The following APOA1 variants were observed in gnomAD, a reference collection of about 807,000 sequenced individuals.
APOA1 encodes apolipoprotein A1.
Under a neutral mutation model 25.9 loss-of-function variants are expected in APOA1, and 22 were observed. That is an observed-to-expected ratio of 0.85 (90% confidence interval 0.61 to 1.21). APOA1 has a LOEUF of 1.21. Among genes scored for constraint, APOA1 ranks in the 50% most tolerant of loss-of-function variants. The probability of loss-of-function intolerance (pLI) is 0.00; values close to 1 mark genes in which losing one functional copy is unlikely to be tolerated. For synonymous variants in APOA1, 163 were observed against 152.2 expected (o/e 1.07, Z -0.52); for missense variants, 351 against 347.9 (o/e 1.01, Z -0.07).
chr11:116,836,970 C>CCCTG (rs774827064), intron 3 of APOA1, 31 bp downstream of exon 3: 1 of 1,613,084 alleles, frequency 6.2e-7, no homozygotes, highest in Admixed American at 1.7e-5. Flanking sequence ...TGCCCCCTAC[C>CCCTG]CCTGCCCTCA....
rs779203966 is a variant in APOA1, at chr11:116,836,030, C to G, written c.582G>C (p.Leu194=). Residue 194 remains leucine (L), a synonymous_variant, in exon 4 of 4, where the codon CTG becomes CTC. Transcript: ENST00000236850. ...CAAGGCGCGCGGCCAAGCGCTGGCGCAGCTCGTCGCTGTAGGGGGCCAGAT... is the reference window on the plus strand; with the variant it reads ...CAAGGCGCGCGGCCAAGCGCTGGCGGAGCTCGTCGCTGTAGGGGGCCAGAT... ...RTHLAPYSDE[L]RQRLAARLEA... is the part of the protein sequence containing the mutation. 1 of 1,606,444 alleles carries G rather than the reference C, an allele frequency of 6.2e-7. No individual in the cohort carries two copies. Among genetic ancestry groups the G allele is most frequent in the South Asian group, 1.1e-5 (1 of 90,996 alleles).
Position 116,835,759 on chromosome 11 carries a change from T to C in APOA1, c.*49A>G. 1 of 1,611,520 alleles carries C rather than the reference T, an allele frequency of 6.2e-7. No homozygotes were observed. The highest frequency in any genetic ancestry group is 1.1e-5 in the South Asian group (1 of 90,774). On this transcript the variant is annotated 3_prime_UTR_variant, in exon 4 of 4. Transcript: ENST00000236850. The stretch of plus-strand genomic sequence containing the variant: ...CAAAAGAAAGAAGCTGCTTCCCACT[T>C]TGGAAACGTTTATTCTGAGCACCGG...
At chr11:116,836,587 CAG>C (rs1475315690) in intron 3 of APOA1, among the ~76,000 whole-genome samples, 176 bp from the exon 4 acceptor site, 6 of 152,126 alleles carry the variant, frequency 3.9e-5, no homozygotes, top group African/African-American at 1.4e-4. Flanking sequence ...GACCGAGGCA[CAG>C]AGAGGAGCTA....
In APOA1 at chr11:116,836,031, A is replaced by T; in HGVS notation, c.581T>A (p.Leu194Gln). Residue 194 changes from leucine (L) to glutamine (Q), a missense_variant, in exon 4 of 4, where the codon CTG becomes CAG. Transcript: ENST00000236850. ...AAGGCGCGCGGCCAAGCGCTGGCGC[A>T]GCTCGTCGCTGTAGGGGGCCAGATG... Reference protein sequence around the residue: ...RTHLAPYSDELRQRLAARLEA... With the variant: ...RTHLAPYSDEQRQRLAARLEA... 2 of 1,606,442 alleles carry T rather than the reference A, an allele frequency of 1.2e-6. No homozygotes were observed. The highest frequency in any genetic ancestry group is 1.7e-6 in the Non-Finnish European group (2 of 1,179,544).
intron 1 of APOA1, 26 bp downstream of exon 1, chr11:116,837,579 T>C (rs1941587861): frequency 1.5e-6 from 1 of 662,936 alleles, no homozygotes; most frequent in African/African-American, 1.8e-5. Context: ...GGAGCCAGAG[T>C]GACCGGGGCA....
At position 116,837,118 on chromosome 11, in the gene APOA1, G is replaced by A. The variant is rs121912721; in HGVS notation, c.83C>T (p.Pro28Leu). 1 of 1,613,734 alleles carries A rather than the reference G, an allele frequency of 6.2e-7. No homozygotes were observed. The highest frequency in any genetic ancestry group is 8.5e-7 in the Non-Finnish European group (1 of 1,179,784). ...CTTCACTCGATCCCAGGGGCTCTGG[G>A]GGGGTTCATCTTGCTGCCAGAAATG... is the stretch of plus-strand genomic sequence containing the variant. ...ARHFWQQDEPPQSPWDRVKDL... is the reference protein window; with the variant it reads ...ARHFWQQDEPLQSPWDRVKDL... Residue 28 changes from proline to leucine, a missense_variant, in exon 3 of 4, where the codon CCC becomes CTC. Pro to Leu is a moderately conservative substitution (Grantham distance 98). Coordinates refer to ENST00000236850, the MANE Select transcript of APOA1 (RefSeq NM_000039.3).
At chr11:116,837,285 C>G in intron 2 of APOA1, 60 bp downstream of exon 2, 1 of 1,592,072 alleles carries the variant, frequency 6.3e-7, no homozygotes, top group Non-Finnish European at 8.6e-7. Flanking sequence ...GAGGGTGGGC[C>G]ACGGGGATTT....
In APOA1 at chr11:116,836,135, G is replaced by C. The variant is rs749164883; in HGVS notation, c.477C>G (p.His159Gln). The C allele has an allele frequency of 6.8e-6, 11 of 1,612,818 alleles. No homozygotes were observed. The highest frequency in any genetic ancestry group is 1.7e-5 in the Admixed American group (1 of 60,002). ...ELQEGARQKL[H>Q]ELQEKLSPLG... ...GTGGGCTCAGCTTCTCTTGCAGCTC[G>C]TGCAGCTTCTGGCGCGCGCCCTCTT... Residue 159 changes from histidine to glutamine, a missense_variant, in exon 4 of 4, where the codon CAC becomes CAG. Transcript: ENST00000236850.
rs773399124 is a variant in APOA1, at chr11:116,835,812, T to A, written c.800A>T (p.Gln267Leu). 6.2e-7 allele frequency: 1 copy of A among 1,613,068 alleles called. No homozygotes were observed. Among genetic ancestry groups the A allele is most frequent in the East Asian group, 2.2e-5 (1 of 44,868 alleles). The change falls in exon 4 of 4, where the codon CAG becomes CTG. Residue 267 changes from glutamine (Q) to leucine (L), a missense_variant. Physicochemically the swap from Gln to Leu is moderately radical, Grantham distance 113 (BLOSUM62 -2). Transcript: ENST00000236850. Reference sequence around the variant, plus strand: ...AGGGGGGCGGCGGCGGGCGCCTCACTGGGTGTTGAGCTTCTTAGTGTACTC... The same window carrying A: ...AGGGGGGCGGCGGCGGGCGCCTCACAGGGTGTTGAGCTTCTTAGTGTACTC... ...LEEYTKKLNT[Q>L]
chr11:116,836,351 C>CTGT lies in APOA1; in HGVS notation c.258_260dup (p.Gln87dup). 6.2e-7 allele frequency: 1 copy of CTGT among 1,614,154 alleles called. No homozygotes were observed. Among genetic ancestry groups the CTGT allele is most frequent in the Non-Finnish European group, 8.5e-7 (1 of 1,180,042 alleles). Reference sequence around the variant, plus strand: ...AGAACTCCTGGGTCACAGGGCCGAGCTGTTCGCGCAGCTTGCTGAAGGTGG... The same window carrying CTGT: ...AGAACTCCTGGGTCACAGGGCCGAGCTGTTGTTCGCGCAGCTTGCTGAAGGTGG... On this transcript the variant is annotated inframe_insertion, in exon 4 of 4. Transcript: ENST00000236850.
In APOA1 at chr11:116,836,460, C is replaced by A. The variant is rs1196127860; in HGVS notation, c.201-49G>T. 1.9e-6 allele frequency: 3 copies of A among 1,608,046 alleles called. No homozygotes were observed. The African/African-American group carries it at 4.0e-5, about 21-fold the overall frequency. On this transcript the variant is annotated intron_variant, in intron 3 of 3. Transcript: ENST00000236850. ...GAGGGCTGGCCTCCCAGCGCCCCAG[C>A]CTATCAGGGGTGAGCCCTGGGTGAC...
Position 116,836,110 on chromosome 11 carries a change from G to C in APOA1, c.502C>G (p.Leu168Val), listed in dbSNP as rs764591376. 7 of 1,611,500 alleles carry C rather than the reference G, an allele frequency of 4.3e-6. No individual in the cohort carries two copies. The highest frequency in any genetic ancestry group is 5.9e-6 in the Non-Finnish European group (7 of 1,179,798). ...GCGCGGTCGCGCATCTCCTCGCCCA[G>C]TGGGCTCAGCTTCTCTTGCAGCTCG... is the stretch of plus-strand genomic sequence containing the variant. ...LHELQEKLSP[L>V]GEEMRDRARA... Residue 168 changes from leucine to valine, a missense_variant, in exon 4 of 4, where the codon CTG (leucine) becomes GTG (valine). Transcript: ENST00000236850.
In APOA1 at chr11:116,836,134, C is replaced by T. The variant is rs121912718; in HGVS notation, c.478G>A (p.Glu160Lys). Residue 160 changes from glutamate to lysine, a missense_variant, in exon 4 of 4, where the codon GAG becomes AAG. Glu to Lys is a moderately conservative substitution (Grantham distance 56). Transcript: ENST00000236850. The part of the protein sequence containing the change: ...LQEGARQKLH[E>K]LQEKLSPLGE... ...AGTGGGCTCAGCTTCTCTTGCAGCT[C>T]GTGCAGCTTCTGGCGCGCGCCCTCT... is the stretch of plus-strand genomic sequence containing the variant. 42 of 1,612,866 alleles carry T rather than the reference C, an allele frequency of 2.6e-5. No individual in the cohort carries two copies. The highest frequency in any genetic ancestry group is 3.2e-5 in the Non-Finnish European group (38 of 1,179,988).
At position 116,837,144 on chromosome 11, in the gene APOA1, C is replaced by T. The variant is rs571564084; in HGVS notation, c.57G>A (p.Arg19=). The change falls in exon 3 of 4, where the codon CGG becomes CGA. Residue 19 remains arginine, a synonymous_variant. Transcript: ENST00000236850. ...AVLFLTGSQA[R]HFWQQDEPPQ... ...GGGGTTCATCTTGCTGCCAGAAATG[C>T]CGAGCCTGGCTCCCTGAGGGTGGGA... 5 of 1,612,416 alleles carry T rather than the reference C, an allele frequency of 3.1e-6. No individual in the cohort carries two copies. The South Asian group carries it at 3.3e-5, about 11-fold the overall frequency.
At chr11:116,836,965 C>G in intron 3 of APOA1, 36 bp downstream of exon 3, 1 of 1,611,384 alleles carries the variant, frequency 6.2e-7, no homozygotes, top group South Asian at 1.1e-5. Flanking sequence ...GCCTCTGCCC[C>G]CTACCCCTGC....
chr11:116,836,467 G>T, intron 3 of APOA1, 56 bp from the exon 4 acceptor site: 3 of 1,605,682 alleles, frequency 1.9e-6, no homozygotes, highest in Non-Finnish European at 2.5e-6. Flanking sequence ...CAGCCTATCA[G>T]GGGTGAGCCC....
Position 116,837,350 on chromosome 11 carries a change from A to C in APOA1, c.38T>G (p.Leu13Arg), listed in dbSNP as rs1941581716. ...CTAGGTTAGGGGACACCTACCCGTC[A>C]GGAAGAGCACGGCCAAGGTCAGCAC... ...AAVLTLAVLF[L>R]TGSQARHFWQ... Residue 13 changes from leucine (L) to arginine (R), a missense_variant, in exon 2 of 4, where the codon CTG (leucine) becomes CGG (arginine). Leu to Arg is a moderately radical substitution (Grantham distance 102). Coordinates refer to ENST00000236850, the MANE Select transcript of APOA1 (RefSeq NM_000039.3). 3 of 1,567,618 alleles carry C rather than the reference A, an allele frequency of 1.9e-6. No individual in the cohort carries two copies. The highest frequency in any genetic ancestry group is 2.6e-6 in the Non-Finnish European group (3 of 1,155,520).
rs202236348 is a variant in APOA1 at position 116,836,994 on chromosome 11, T to A, written c.200+7A>T. On this transcript the variant is annotated splice_region_variant and intron_variant, in intron 3 of 3. Transcript: ENST00000236850. ...CCCCTGCCCTCAACCCCAGGCTGGG[T>A]CCTTACTTTAGCTGTTTTCCCAAGG... 8 of 1,613,986 alleles carry A rather than the reference T, an allele frequency of 5.0e-6. No individual in the cohort carries two copies. In the East Asian group the frequency reaches 1.8e-4, roughly 36 times the overall value.
At position 116,835,797 on chromosome 11, in the gene APOA1, C is replaced by T; in HGVS notation, c.*11G>A. On this transcript the variant is annotated 3_prime_UTR_variant, in exon 4 of 4. Transcript: ENST00000236850. ...TTCTGAGCACCGGGAAGGGGGGCGG[C>T]GGCGGGCGCCTCACTGGGTGTTGAG... The T allele has an allele frequency of 6.2e-7, 1 of 1,613,044 alleles. No individual in the cohort carries two copies. Among genetic ancestry groups the T allele is most frequent in the Non-Finnish European group, 8.5e-7 (1 of 1,180,002 alleles).
Sources: gnomAD v4.1 joint callset for allele counts (sites outside exome capture counted in the v4.1 genomes callset) on GRCh38, gnomAD v4.1.1 for gene constraint, MANE v1.5 for transcripts, NCBI Gene and HGNC (gene_info 2026-07-23, HGNC 2026-07-21) for gene names.